HUNK: variants seen among roughly 807,000 people sequenced by gnomAD.
HUNK encodes the protein hormonally up-regulated neu tumor-associated kinase.
A neutral mutation model predicts 61.0 loss-of-function variants in HUNK; 21 were observed. That is an observed-to-expected ratio of 0.34 (90% CI 0.24 to 0.50). The LOEUF (loss-of-function observed/expected upper bound fraction) is 0.50. Among genes scored for constraint, HUNK ranks in the 20% least tolerant of loss-of-function variants. The pLI is 0.98. For synonymous variants in HUNK, 371 were observed against 386.1 expected (o/e 0.96, Z 0.46); for missense variants, 772 against 945.7 (o/e 0.82, Z 2.41).
chr21:31,905,530 T>C (rs2052499202), intron 1 of HUNK, among the ~76,000 whole-genome samples: 1 of 152,152 alleles, frequency 6.6e-6, no homozygotes, highest in Non-Finnish European at 1.5e-5. Context: ...TGTGCACACG[T>C]GTGTGCAAAC....
At chr21:31,918,443 A>G (rs1273220463) in intron 1 of HUNK, among the ~76,000 whole-genome samples, 1 of 152,148 alleles carries the variant, frequency 6.6e-6, no homozygotes, top group Non-Finnish European at 1.5e-5. Flanking sequence ...GTAACAAATG[A>G]CCACAAACTT....
At chr21:31,986,948 A>G (rs934444674) in intron 8 of HUNK, among the ~76,000 whole-genome samples, 2 of 152,108 alleles carry the variant, frequency 1.3e-5, no homozygotes, top group Admixed American at 6.5e-5. Flanking sequence ...TTTGATTAAC[A>G]TCTCTCCCTC....
chr21:31,892,211 T>A (rs555626881), intron 1 of HUNK, among the ~76,000 whole-genome samples: 7,131 of 104,094 alleles, frequency 0.069, 240 homozygotes, highest in Non-Finnish European at 0.11. Flanking sequence ...AGAGAGAGAG[T>A]GTGTGTGTGT....
chr21:31,980,116 AGCTGGAGTG>A (rs2053085178), intron 7 of HUNK, among the ~76,000 whole-genome samples: 1 of 151,892 alleles, frequency 6.6e-6, no homozygotes, highest in Non-Finnish European at 1.5e-5. Context: ...CTGTCACCCA[AGCTGGAGTG>A]CAGTGGTGTG....
rs1441116264 is a variant in HUNK, at chr21:31,873,917, C to T, written c.243C>T (p.His81=). Residue 81 remains histidine (H), a synonymous_variant, in exon 1 of 11, where the codon CAC becomes CAT. Transcript: ENST00000270112. The surrounding 1 kb of genome is among the most constrained non-coding windows in gnomAD (Gnocchi z 6.1). ...TTGCCAAGGTGCGCGAGGGGCTGCA[C>T]GTGCTGACCGGGGAGAAGGTGAGTC... ...GSFAKVREGL[H]VLTGEKVAIK... The T allele has an allele frequency of 1.9e-6, 3 of 1,560,950 alleles. No homozygotes were observed. The highest frequency in any genetic ancestry group is 2.6e-6 in the Non-Finnish European group (3 of 1,156,942).
At chr21:31,974,739 A>G in intron 7 of HUNK, 22 bp downstream of exon 7, 1 of 1,597,710 alleles carries the variant, frequency 6.3e-7, no homozygotes, top group Non-Finnish European at 8.5e-7. Flanking sequence ...CCTAGAGGCG[A>G]TCGTCTCTGC....
chr21:31,942,323 G>A (rs2052774415), intron 3 of HUNK, among the ~76,000 whole-genome samples: 1 of 152,172 alleles, frequency 6.6e-6, no homozygotes, highest in Non-Finnish European at 1.5e-5. Flanking sequence ...TGTCTCCTCT[G>A]TGCTTGGTCT....
At chr21:31,882,292 T>C (rs1311296122) in intron 1 of HUNK, among the ~76,000 whole-genome samples, 2 of 152,218 alleles carry the variant, frequency 1.3e-5, no homozygotes, top group South Asian at 2.1e-4. Context: ...ATCATCTTTG[T>C]GTTTTCAAGA....
Position 31,873,678 on chromosome 21 carries a change from C to CCGT in HUNK, c.6_7insTCG (p.Pro2_Ala3insSer). 1 of 1,014,936 alleles carries CCGT rather than the reference C, an allele frequency of 9.9e-7. No homozygotes were observed. The highest frequency in any genetic ancestry group is 1.2e-6 in the Non-Finnish European group (1 of 850,254). 62.9% of individuals were successfully genotyped at this position (1,014,936 alleles called of 1,614,324 possible). On this transcript the variant is annotated inframe_insertion, in exon 1 of 11. Coordinates refer to ENST00000270112, the MANE Select transcript of HUNK (RefSeq NM_014586.2). The surrounding 1 kb of genome is among the most constrained non-coding windows in gnomAD (Gnocchi z 6.1). ...CGCGCGGGCCGCGGCGAGCGCGATGCCGGCGGCGGCGGGGGACGGGCTCCT... is the reference window on the plus strand; with the variant it reads ...CGCGCGGGCCGCGGCGAGCGCGATGCCGTCGGCGGCGGCGGGGGACGGGCTCCT...
At chr21:31,923,169 C>T (rs994398153) in intron 1 of HUNK, among the ~76,000 whole-genome samples, 8 of 152,256 alleles carry the variant, frequency 5.3e-5, no homozygotes, top group Admixed American at 3.3e-4. Context: ...GGGCAGCCGG[C>T]GTGGTGACTC....
chr21:31,963,379 A>G (rs900023281), intron 5 of HUNK, among the ~76,000 whole-genome samples: 9 of 152,200 alleles, frequency 5.9e-5, no homozygotes, highest in African/African-American at 2.2e-4. Flanking sequence ...TGGAGGTATT[A>G]TCTATTGTCT....
chr21:31,892,584 A>G (rs2052398730), intron 1 of HUNK, among the ~76,000 whole-genome samples: 1 of 151,640 alleles, frequency 6.6e-6, no homozygotes, highest in Non-Finnish European at 1.5e-5. Context: ...AAAAAAAAAA[A>G]AAAGGAAAGA....
In HUNK at chr21:31,998,573, TGTG is replaced by T; in HGVS notation, c.1535_1537del (p.Cys512_Val513delinsLeu). On this transcript the variant is annotated inframe_deletion, in exon 11 of 11. Coordinates refer to ENST00000270112, the MANE Select transcript of HUNK (RefSeq NM_014586.2). The stretch of plus-strand genomic sequence containing the variant: ...TTTCCGCAAAACCTCAGATTCCAAT[TGTG>T]TGGCTTCTTCTTCCATGGAGTTCAT... 1 of 1,608,040 alleles carries T rather than the reference TGTG, an allele frequency of 6.2e-7. No homozygotes were observed. The highest frequency in any genetic ancestry group is 1.1e-5 in the South Asian group (1 of 90,216).
At chr21:31,967,236 A>G (rs929967206) in intron 5 of HUNK, among the ~76,000 whole-genome samples, 19 of 151,936 alleles carry the variant, frequency 1.3e-4, no homozygotes, top group Non-Finnish European at 1.2e-4. Flanking sequence ...CTGTAGTCTC[A>G]CCTACTTGGA....
intron 2 of HUNK, among the ~76,000 whole-genome samples, chr21:31,938,384 G>A (rs1434163368): frequency 6.6e-6 from 1 of 152,182 alleles, no homozygotes; most frequent in African/African-American, 2.4e-5. Flanking sequence ...TTTTAAATAT[G>A]AGTTTGTTGC....
intron 7 of HUNK, among the ~76,000 whole-genome samples, chr21:31,982,867 G>A (rs1031969092): frequency 1.6e-4 from 25 of 152,038 alleles, no homozygotes; most frequent in African/African-American, 5.3e-4. Context: ...GCAATGGCAC[G>A]ATCTTGGCTC....
rs1601403002 is a variant in HUNK at position 31,968,443 on chromosome 21, C to G, written c.1010+58C>G. The G allele has an allele frequency of 5.6e-6, 9 of 1,599,252 alleles. No homozygotes were observed. The East Asian group carries it at 2.0e-4, about 36-fold the overall frequency. On this transcript the variant is annotated intron_variant, in intron 6 of 10. Transcript: ENST00000270112. ...AGAGACGGGGCCTGTCCTACTAGCCCTGAGCAGTTCCGGACAGAAAGCTGT... is the reference window on the plus strand; with the variant it reads ...AGAGACGGGGCCTGTCCTACTAGCCGTGAGCAGTTCCGGACAGAAAGCTGT...
chr21:31,987,976 C>T (rs144375397), intron 8 of HUNK, among the ~76,000 whole-genome samples: 61 of 152,314 alleles, frequency 4.0e-4, no homozygotes, highest in Admixed American at 1.2e-3. Flanking sequence ...ACCCGTGTCC[C>T]GGGCACTGAG....
At chr21:31,990,744 C>G (rs1288107222) in intron 9 of HUNK, among the ~76,000 whole-genome samples, 2 of 152,012 alleles carry the variant, frequency 1.3e-5, no homozygotes, top group African/African-American at 4.8e-5. Context: ...CCATGTTGAC[C>G]AGGCTGATCT....
Sources: gnomAD v4.1 joint callset for allele counts (sites outside exome capture counted in the v4.1 genomes callset) on GRCh38, gnomAD v4.1.1 for gene constraint, Gnocchi (gnomAD v3.1) non-coding constraint, MANE v1.5 for transcripts, NCBI Gene and HGNC (gene_info 2026-07-23, HGNC 2026-07-21) for gene names.